The following ATP2B4 variants were observed in gnomAD, a reference collection of about 807,000 sequenced individuals.
The protein encoded by ATP2B4 is ATPase plasma membrane Ca2+ transporting 4, also known as plasma membrane calcium-transporting ATPase 4.
A neutral mutation model predicts 110.3 loss-of-function variants in ATP2B4; 39 were observed. The observed-to-expected ratio is 0.35, with a 90% CI of 0.27 to 0.46. The LOEUF (loss-of-function observed/expected upper bound fraction) is 0.46. Ranked by LOEUF, ATP2B4 falls within the 20% of genes least tolerant of loss-of-function variation. The probability of loss-of-function intolerance (pLI) is 1.00; values close to 1 mark genes in which losing one functional copy is unlikely to be tolerated. For synonymous variants in ATP2B4, 538 were observed against 571.7 expected (o/e 0.94, Z 0.84); for missense variants, 1,135 against 1,530.9 (o/e 0.74, Z 4.32).
chr1:203,732,313 T>G (rs1241653545), intron 20 of ATP2B4, among the ~76,000 whole-genome samples: 1 of 152,164 alleles, frequency 6.6e-6, no homozygotes. Flanking sequence ...TTCCTCCCCC[T>G]CCCTCAGTCT....
intron 16 of ATP2B4, 126 bp downstream of exon 16, chr1:203,720,866 T>A (rs1410258214): frequency 1.7e-6 from 2 of 1,167,720 alleles, no homozygotes; most frequent in Admixed American, 2.8e-5. Context: ...GGGACAGGAG[T>A]TAGCTCTTCT....
In ATP2B4 at chr1:203,714,158, C is replaced by T. The variant is rs760933140; in HGVS notation, c.2300-13C>T. 8.7e-6 allele frequency: 14 copies of T among 1,613,208 alleles called. No homozygotes were observed. In the Admixed American group the frequency reaches 2.3e-4, roughly 27 times the overall value. ...ACCAGAAAAGCTCACTGTGGTGTGT[C>T]TGTTTCTCCCAGGCATAATTGACAG... On this transcript the variant is annotated splice_polypyrimidine_tract_variant and intron_variant, in intron 14 of 20. Coordinates refer to ENST00000357681, the MANE Select transcript of ATP2B4 (RefSeq NM_001684.5).
intron 1 of ATP2B4, among the ~76,000 whole-genome samples, chr1:203,664,863 G>A (rs1043145278): frequency 1.2e-4 from 19 of 152,156 alleles, no homozygotes; most frequent in Non-Finnish European, 2.5e-4. Context: ...ACAGAGTCTC[G>A]CTCTGTCACC....
intron 1 of ATP2B4, among the ~76,000 whole-genome samples, chr1:203,635,643 C>A (rs1033302325): frequency 6.6e-6 from 1 of 151,702 alleles, no homozygotes; most frequent in Non-Finnish European, 1.5e-5. Flanking sequence ...AGAGTGAGAC[C>A]CTGTCTCAAA....
At chr1:203,660,975 T>C (rs535125784) in intron 1 of ATP2B4, among the ~76,000 whole-genome samples, 2 of 149,962 alleles carry the variant, frequency 1.3e-5, no homozygotes, top group East Asian at 4.0e-4. Flanking sequence ...CCGGGCATGG[T>C]GGGGTGGCCC....
At chr1:203,656,935 G>A (rs1664181370) in intron 1 of ATP2B4, 4 of 659,850 alleles carry the variant, frequency 6.1e-6, no homozygotes, top group South Asian at 1.7e-5. Flanking sequence ...CAGTTGGTGT[G>A]TAGTCCCCAA....
chr1:203,715,570 C>A lies in ATP2B4; in HGVS notation c.2406+1293C>A, dbSNP rs1239199200. Among the ~76,000 whole-genome samples, 5 of 141,684 alleles carry A rather than the reference C, an allele frequency of 3.5e-5. 2 individuals are homozygous for A. The East Asian group carries it at 1.1e-3, about 30-fold the overall frequency. 93.0% of individuals were successfully genotyped at this position (141,684 alleles called of 152,430 possible). A position where few individuals can be genotyped will look rare whatever the true frequency, so the allele number is the denominator to read the frequency against. ...TCCGTCTCAAAAAAAATTTTCTTTT[C>A]ATTATATGGGGGGATGGTGTGGGGC... On this transcript the variant is annotated intron_variant, in intron 15 of 20. Transcript: ENST00000357681.
At chr1:203,689,847 A>T (rs537523218) in intron 2 of ATP2B4, among the ~76,000 whole-genome samples, 2 of 152,320 alleles carry the variant, frequency 1.3e-5, no homozygotes, top group East Asian at 3.9e-4. Flanking sequence ...GTAGGGACCT[A>T]AGCTGAAGGC....
chr1:203,670,441 A>C (rs1043411028), intron 1 of ATP2B4, among the ~76,000 whole-genome samples: 1 of 152,184 alleles, frequency 6.6e-6, no homozygotes, highest in Non-Finnish European at 1.5e-5. Context: ...GGCCTCCCAC[A>C]GTGTTGGGAT....
In ATP2B4 at chr1:203,627,178, G is replaced by A. The variant is rs1663115630; in HGVS notation, c.-506G>A. On this transcript the variant is annotated 5_prime_UTR_variant, in exon 1 of 21. Coordinates refer to ENST00000357681, the MANE Select transcript of ATP2B4 (RefSeq NM_001684.5). ...CCTCATCCATGGAAACCCGGAGGGAGAGTCCCGCCTGAAGAAACCTGGATC... is the reference window on the plus strand; with the variant it reads ...CCTCATCCATGGAAACCCGGAGGGAAAGTCCCGCCTGAAGAAACCTGGATC... The A allele has an allele frequency of 6.6e-6, 1 of 152,278 alleles. No homozygotes were observed. Among genetic ancestry groups the A allele is most frequent in the Non-Finnish European group, 1.5e-5 (1 of 68,058 alleles). The allele number at this position is 152,278 out of a possible 1,614,324, so 9.4% of individuals were successfully genotyped here.
At chr1:203,699,202 T>C (rs1444298897) in intron 3 of ATP2B4, among the ~76,000 whole-genome samples, 1 of 152,208 alleles carries the variant, frequency 6.6e-6, no homozygotes, top group Non-Finnish European at 1.5e-5. Flanking sequence ...AGTGTGACCT[T>C]ACATGTGACT....
rs556014614 is a variant in ATP2B4 at position 203,721,903 on chromosome 1, T to C, written c.2812+493T>C. ...GGCTCGATCTCCTGACCTTGTGATC[T>C]GCCCACCTCAGCCCCCCAGAGTGCT... On this transcript the variant is annotated intron_variant, in intron 17 of 20. Transcript: ENST00000357681. 2.7e-4 allele frequency among the ~76,000 whole-genome samples: 41 copies of C among 152,158 alleles called. No individual in the cohort carries two copies. The East Asian group carries it at 7.0e-3, about 26-fold the overall frequency.
At chr1:203,668,177 G>A (rs1004026546) in intron 1 of ATP2B4, among the ~76,000 whole-genome samples, 1 of 152,266 alleles carries the variant, frequency 6.6e-6, no homozygotes, top group East Asian at 1.9e-4. Context: ...AGAGTGGAAC[G>A]GAGGTGGAAC....
rs1252027460 is a variant in ATP2B4 at position 203,629,260 on chromosome 1, G to T, written c.-465+2041G>T. Among the ~76,000 whole-genome samples the T allele has an allele frequency of 6.6e-6, 1 of 152,178 alleles. No homozygotes were observed. The highest frequency in any genetic ancestry group is 1.5e-5 in the Non-Finnish European group (1 of 68,016). On this transcript the variant is annotated intron_variant, in intron 1 of 20. Transcript: ENST00000357681. The surrounding 1 kb of genome is among the most constrained non-coding windows in gnomAD (Gnocchi z 4.6). ...GGCCCCCAAGACAGAATTAATGCCC[G>T]TGTTCTGGAGGGAGGGGATCCATTT... is the stretch of plus-strand genomic sequence containing the variant.
Position 203,669,352 on chromosome 1 carries a change from A to G in ATP2B4, c.-464-13390A>G, listed in dbSNP as rs143035481. Among the ~76,000 whole-genome samples the G allele has an allele frequency of 7.0e-3, 1,069 of 152,314 alleles. 16 individuals are homozygous for G. The highest frequency in any genetic ancestry group is 0.024 in the African/African-American group (998 of 41,556). On this transcript the variant is annotated intron_variant, in intron 1 of 20. Coordinates refer to ENST00000357681, the MANE Select transcript of ATP2B4 (RefSeq NM_001684.5). ...GCAAAGAATGTGGGCAGATGGAGCA[A>G]GTGCTGAAGGAGTGGTGCCTGGGTC...
chr1:203,729,733 CCG>C (rs1424911099), intron 20 of ATP2B4: 1 of 1,352,494 alleles, frequency 7.4e-7, no homozygotes. Flanking sequence ...GAGCACTTCT[CCG>C]TGTTGCTGGC....
At chr1:203,632,078 A>G (rs10453882) in intron 1 of ATP2B4, among the ~76,000 whole-genome samples, 148,026 of 152,032 alleles carry the variant, frequency 0.97, 72,195 homozygotes, top group Middle Eastern at 1. Flanking sequence ...CACCAAGCCC[A>G]GCCACAAGGT....
rs571735536 is a variant in ATP2B4 at position 203,628,943 on chromosome 1, G to T, written c.-465+1724G>T. Reference sequence around the variant, plus strand: ...CAGCTTGGTAAGGCGTGTTCTGGAAGGTGGGCCCTAAACCCTGAAGCAGAC... The same window carrying T: ...CAGCTTGGTAAGGCGTGTTCTGGAATGTGGGCCCTAAACCCTGAAGCAGAC... On this transcript the variant is annotated intron_variant, in intron 1 of 20. Transcript: ENST00000357681. Among the ~76,000 whole-genome samples, 28 of 152,300 alleles carry T rather than the reference G, an allele frequency of 1.8e-4. No homozygotes were observed. The South Asian group carries it at 5.8e-3, about 32-fold the overall frequency.
intron 1 of ATP2B4, among the ~76,000 whole-genome samples, chr1:203,648,590 C>T (rs963514831): frequency 1.3e-5 from 2 of 152,200 alleles, no homozygotes; most frequent in Admixed American, 1.3e-4. Flanking sequence ...ATGACAGATA[C>T]AGGCTTGTCC....
Sources: gnomAD v4.1 joint callset for allele counts (sites outside exome capture counted in the v4.1 genomes callset) on GRCh38, gnomAD v4.1.1 for gene constraint, Gnocchi (gnomAD v3.1) non-coding constraint, MANE v1.5 for transcripts, NCBI Gene and HGNC (gene_info 2026-07-23, HGNC 2026-07-21) for gene names.